Variants in HAUS2 observed in about 807,000 individuals in gnomAD.
HAUS2 encodes the protein HAUS augmin-like complex subunit 2.
HAUS2 carries 20 observed loss-of-function variants against 21.6 expected under a neutral mutation model. That is an observed-to-expected ratio of 0.93 (90% confidence interval 0.65 to 1.35). The LOEUF (loss-of-function observed/expected upper bound fraction) is 1.35, where lower values mean the gene tolerates loss of function less well. Ranked by LOEUF, HAUS2 falls within the 40% of genes most tolerant of loss-of-function variation. The pLI, the probability that HAUS2 is intolerant of heterozygous loss-of-function variation, is 0.00. For missense variants in HAUS2, 297 were observed against 280.7 expected (o/e 1.06, Z -0.42); for synonymous variants, 113 against 95.6 (o/e 1.18, Z -1.06).
intron 5 of HAUS2, among the ~76,000 whole-genome samples, chr15:42,564,378 C>G (rs992508621): frequency 6.6e-6 from 1 of 150,798 alleles, no homozygotes; most frequent in Non-Finnish European, 1.5e-5. Context: ...TTATTTTATT[C>G]CAACATTTAA....
Position 42,568,839 on chromosome 15 carries a change from C to T in HAUS2, c.*2023C>T, listed in dbSNP as rs1335467149. The T allele has an allele frequency of 6.6e-6, 1 of 152,162 alleles. No individual in the cohort carries two copies. Among genetic ancestry groups the T allele is most frequent in the Non-Finnish European group, 1.5e-5 (1 of 68,044 alleles). 9.4% of individuals were successfully genotyped at this position (152,162 alleles called of 1,614,324 possible). On this transcript the variant is annotated 3_prime_UTR_variant, in exon 6 of 6. Transcript: ENST00000260372. ...GTTAGAGGACTCTGGAAGCTTATAC[C>T]TGGTTTCCCCCAGACTTTGCCTCTG...
In HAUS2 at chr15:42,564,590, G is replaced by A. The variant is rs1028269905; in HGVS notation, c.498+733G>A. 3.9e-5 allele frequency among the ~76,000 whole-genome samples: 6 copies of A among 152,220 alleles called. No homozygotes were observed. The East Asian group carries it at 1.2e-3, about 29-fold the overall frequency. On this transcript the variant is annotated intron_variant, in intron 5 of 5. Transcript: ENST00000260372. Reference sequence around the variant, plus strand: ...CCATCTATTGAGCATAGAAAAGGGAGGAATTACTTCCAGTTTAGGAGGATT... The same window carrying A: ...CCATCTATTGAGCATAGAAAAGGGAAGAATTACTTCCAGTTTAGGAGGATT...
intron 4 of HAUS2, among the ~76,000 whole-genome samples, chr15:42,562,685 C>G (rs1433785310): frequency 1.3e-5 from 2 of 152,222 alleles, no homozygotes; most frequent in East Asian, 3.8e-4. Context: ...TGTACTACAT[C>G]TAAGAACTAG....
At chr15:42,558,929 G>C (rs1397214327) in intron 2 of HAUS2, among the ~76,000 whole-genome samples, 1 of 151,976 alleles carries the variant, frequency 6.6e-6, no homozygotes, top group African/African-American at 2.4e-5. Flanking sequence ...TTGCACTCCA[G>C]CCTGGGTGAC....
chr15:42,569,440 G>A lies in HAUS2; in HGVS notation c.*2624G>A. On this transcript the variant is annotated 3_prime_UTR_variant, in exon 6 of 6. Coordinates refer to ENST00000260372, the MANE Select transcript of HAUS2 (RefSeq NM_018097.3). The stretch of plus-strand genomic sequence containing the variant: ...TCCCACCTCAGCCTCCCAAGTAGCT[G>A]GGACTATAGGCACGCGCCACCACGC... The A allele has an allele frequency of 6.6e-6, 1 of 151,960 alleles. No individual in the cohort carries two copies. Among genetic ancestry groups the A allele is most frequent in the Non-Finnish European group, 1.5e-5 (1 of 68,084 alleles). 9.4% of individuals were successfully genotyped at this position (151,960 alleles called of 1,614,324 possible). A position where few individuals can be genotyped will look rare whatever the true frequency, so the allele number is the denominator to read the frequency against.
rs773254131 is a variant in HAUS2, at chr15:42,559,437, C to T, written c.256+29C>T. On this transcript the variant is annotated intron_variant, in intron 3 of 5. Coordinates refer to ENST00000260372, the MANE Select transcript of HAUS2 (RefSeq NM_018097.3). Reference sequence around the variant, plus strand: ...AGTGGTTTGGTTAAGTGGATAATCACTGGAATTTCAACTTTTTCTTGGATT... The same window carrying T: ...AGTGGTTTGGTTAAGTGGATAATCATTGGAATTTCAACTTTTTCTTGGATT... 3 of 1,316,598 alleles carry T rather than the reference C, an allele frequency of 2.3e-6. No individual in the cohort carries two copies. The South Asian group carries it at 3.5e-5, about 16-fold the overall frequency. The allele number at this position is 1,316,598 out of a possible 1,614,324, so 81.6% of individuals were successfully genotyped here. A position where few individuals can be genotyped will look rare whatever the true frequency, so the allele number is the denominator to read the frequency against.
Position 42,564,137 on chromosome 15 carries a change from G to A in HAUS2, c.498+280G>A, listed in dbSNP as rs1036599661. Among the ~76,000 whole-genome samples, 13 of 151,880 alleles carry A rather than the reference G, an allele frequency of 8.6e-5. No individual in the cohort carries two copies. The East Asian group carries it at 2.1e-3, about 25-fold the overall frequency. On this transcript the variant is annotated intron_variant, in intron 5 of 5. Transcript: ENST00000260372. ...AAAAATTAGCTGGGCATGGTGGTGC[G>A]TGCCTGTAATTCCAGCTACCCGGGA...
At chr15:42,563,661 A>G (rs1277487408) in intron 4 of HAUS2, 88 bp from the exon 5 acceptor site, 1 of 751,518 alleles carries the variant, frequency 1.3e-6, no homozygotes, top group East Asian at 2.5e-5. Flanking sequence ...TTCTTATCTC[A>G]AATTAAAAGT....
chr15:42,554,680 AG>A (rs1327744484), intron 1 of HAUS2, among the ~76,000 whole-genome samples: 2 of 151,152 alleles, frequency 1.3e-5, no homozygotes, highest in Non-Finnish European at 2.9e-5. Flanking sequence ...TAGTAGAGAC[AG>A]GGTTTCACCA....
chr15:42,560,166 T>C (rs1448449635), intron 3 of HAUS2, among the ~76,000 whole-genome samples: 6 of 152,152 alleles, frequency 3.9e-5, no homozygotes, highest in Non-Finnish European at 5.9e-5. Flanking sequence ...AAAATTAAAA[T>C]TCTTTTTGCT....
intron 1 of HAUS2, among the ~76,000 whole-genome samples, chr15:42,556,704 T>A (rs1015574512): frequency 1.2e-4 from 18 of 152,118 alleles, no homozygotes; most frequent in Non-Finnish European, 2.2e-4. Flanking sequence ...CTGGCCTATC[T>A]GATCTCTAAA....
Position 42,558,211 on chromosome 15 carries a change from T to A in HAUS2, c.107T>A (p.Met36Lys), listed in dbSNP as rs543545829. ...ATTTACCAATAGGAGATGTTAAACA[T>A]GTCTAAGAAAACAGTTTCTTGTTTT... ...SGMVNQEMLN[M>K]SKKTVSCFVN... Residue 36 changes from methionine to lysine, a missense_variant, in exon 2 of 6, where the codon ATG (methionine) becomes AAG (lysine). By Grantham distance (95) the Met-to-Lys change is moderately conservative. Transcript: ENST00000260372. The A allele has an allele frequency of 6.9e-7, 1 of 1,456,782 alleles. No homozygotes were observed. The highest frequency in any genetic ancestry group is 1.7e-5 in the Admixed American group (1 of 58,034). The allele number at this position is 1,456,782 out of a possible 1,614,324, so 90.2% of individuals were successfully genotyped here.
chr15:42,568,393 G>T lies in HAUS2; in HGVS notation c.*1577G>T, dbSNP rs4924687. On this transcript the variant is annotated 3_prime_UTR_variant, in exon 6 of 6. Coordinates refer to ENST00000260372, the MANE Select transcript of HAUS2 (RefSeq NM_018097.3). Reference sequence around the variant, plus strand: ...GCAAGTGAGCATGAGAAAGATATATGGGTCTAAACTTAGCCTTTTATCATG... The same window carrying T: ...GCAAGTGAGCATGAGAAAGATATATTGGTCTAAACTTAGCCTTTTATCATG... 20,031 of 152,188 alleles carry T rather than the reference G, an allele frequency of 0.13. 1,643 individuals are homozygous for T. The highest frequency in any genetic ancestry group is 0.23 in the African/African-American group (9,577 of 41,500). 9.4% of individuals were successfully genotyped at this position (152,188 alleles called of 1,614,324 possible).
intron 5 of HAUS2, among the ~76,000 whole-genome samples, 180 bp downstream of exon 5, chr15:42,564,037 G>A (rs577717206): frequency 1.3e-5 from 2 of 152,126 alleles, no homozygotes; most frequent in African/African-American, 2.4e-5. Flanking sequence ...AGGCCACAAC[G>A]GGTGGATCAC....
chr15:42,558,491 C>G (rs1181269046), intron 2 of HAUS2, among the ~76,000 whole-genome samples: 1 of 151,654 alleles, frequency 6.6e-6, no homozygotes, highest in Non-Finnish European at 1.5e-5. Context: ...CCATGCCCGG[C>G]TAATTTTTTG....
At chr15:42,563,637 T>C (rs1433820826) in intron 4 of HAUS2, 112 bp from the exon 5 acceptor site, 3 of 698,994 alleles carry the variant, frequency 4.3e-6, no homozygotes, top group Non-Finnish European at 5.2e-6. Context: ...ATTGGCTCTC[T>C]AGGTTGATTG....
In HAUS2 at chr15:42,566,678, G is replaced by A. The variant is rs1595558007; in HGVS notation, c.570G>A (p.Trp190Ter). Residue 190 changes from tryptophan (W) to a stop codon, truncating the protein, a stop_gained, in exon 6 of 6, where the codon TGG (tryptophan) becomes TGA (stop). Transcript: ENST00000260372. LOFTEE classifies it low-confidence loss of function (END_TRUNC). ...TEELAENILK[W>*]RKQQNEVSSC... ...AACTGGCAGAGAATATACTCAAGTG[G>A]CGTAAACAACAAAACGAAGTTTCGT... is the stretch of plus-strand genomic sequence containing the variant. 6.2e-7 allele frequency: 1 copy of A among 1,605,330 alleles called. No individual in the cohort carries two copies. Among genetic ancestry groups the A allele is most frequent in the Non-Finnish European group, 8.5e-7 (1 of 1,172,092 alleles).
rs753863741 is a variant in HAUS2, at chr15:42,560,781, G to T, written c.257-489G>T. On this transcript the variant is annotated intron_variant, in intron 3 of 5. Transcript: ENST00000260372. ...TTTTTGTTTTTTCAATTTTTTTGTA[G>T]AGATGAAGTCTTGCTATGTTGCCCA... is the stretch of plus-strand genomic sequence containing the variant. 5.3e-5 allele frequency: 37 copies of T among 701,648 alleles called. 1 individual carries two copies. The South Asian group carries it at 5.3e-4, about 10-fold the overall frequency. 43.5% of individuals were successfully genotyped at this position (701,648 alleles called of 1,614,324 possible).
At chr15:42,560,264 T>G (rs2057835068) in intron 3 of HAUS2, among the ~76,000 whole-genome samples, 1 of 152,176 alleles carries the variant, frequency 6.6e-6, no homozygotes, top group African/African-American at 2.4e-5. Context: ...ATTTTTTGAA[T>G]TTGATAATGT....
Sources: gnomAD v4.1 joint callset for allele counts (sites outside exome capture counted in the v4.1 genomes callset) on GRCh38, gnomAD v4.1.1 for gene constraint, MANE v1.5 for transcripts, NCBI Gene and HGNC (gene_info 2026-07-23, HGNC 2026-07-21) for gene names.